Variants in GRHL2 observed in about 807,000 individuals in gnomAD.
GRHL2 encodes the protein grainyhead-like protein 2 homolog.
Under a neutral mutation model 83.8 loss-of-function variants are expected in GRHL2, and 21 were observed. That is an observed-to-expected ratio of 0.25 (90% CI 0.18 to 0.36). The LOEUF (loss-of-function observed/expected upper bound fraction) is 0.36, where lower values mean the gene tolerates loss of function less well. Ranked by LOEUF, GRHL2 falls within the 10% of genes least tolerant of loss-of-function variation. The probability of loss-of-function intolerance (pLI) is 1.00; values close to 1 mark genes in which losing one functional copy is unlikely to be tolerated. For synonymous variants in GRHL2, 280 were observed against 278.9 expected, an observed-to-expected ratio of 1.00 and a Z score of -0.04; for missense variants, 623 against 781.8, an observed-to-expected ratio of 0.80 and a Z score of 2.42.
chr8:101,542,246 GCT>G (rs1811168398), intron 1 of GRHL2, among the ~76,000 whole-genome samples: 1 of 152,112 alleles, frequency 6.6e-6, no homozygotes, highest in Non-Finnish European at 1.5e-5. Flanking sequence ...AATGAAACCT[GCT>G]CTCTCTTAGG....
At chr8:101,632,082 G>C (rs1347762139) in intron 10 of GRHL2, 144 bp from the exon 11 acceptor site, 4 of 867,590 alleles carry the variant, frequency 4.6e-6, no homozygotes, top group South Asian at 2.8e-5. Context: ...GCTGGGATGA[G>C]GTGGTGGGAG....
At chr8:101,616,955 A>T (rs555566138) in intron 8 of GRHL2, among the ~76,000 whole-genome samples, 1 of 152,288 alleles carries the variant, frequency 6.6e-6, no homozygotes, top group African/African-American at 2.4e-5. Context: ...TATATTTAAG[A>T]CACACATCAT....
Position 101,645,204 on chromosome 8 carries a change from C to T in GRHL2, c.1612+979C>T, listed in dbSNP as rs1813487411. ...CTAAAGTGCAGTGGCGTGATCTCAG[C>T]TCACTGCAACCTCCACCTCCTGGGT... On this transcript the variant is annotated intron_variant, in intron 13 of 15. Transcript: ENST00000646743. Among the ~76,000 whole-genome samples the T allele has an allele frequency of 2.0e-5, 3 of 148,646 alleles. No individual in the cohort carries two copies. In the South Asian group the frequency reaches 6.5e-4, roughly 32 times the overall value.
intron 9 of GRHL2, among the ~76,000 whole-genome samples, chr8:101,627,156 C>T (rs925181935): frequency 2.0e-5 from 3 of 152,020 alleles, no homozygotes; most frequent in Non-Finnish European, 4.4e-5. Context: ...TACAGGCTTA[C>T]CTCGTTTTAT....
At chr8:101,623,623 C>T (rs1813008050) in intron 9 of GRHL2, among the ~76,000 whole-genome samples, 1 of 151,812 alleles carries the variant, frequency 6.6e-6, no homozygotes, top group African/African-American at 2.4e-5. Flanking sequence ...GGGCAGTTTA[C>T]AGTACACAGT....
chr8:101,676,825 C>T, the GRHL2 span, among the ~76,000 whole-genome samples: 22 of 152,118 alleles, frequency 1.4e-4, no homozygotes, highest in South Asian at 1.9e-3. Flanking sequence ...TGTCCAACAA[C>T]GATAGACTGG....
the GRHL2 span, among the ~76,000 whole-genome samples, chr8:101,676,634 A>C: frequency 7.9e-5 from 12 of 152,192 alleles, no homozygotes; most frequent in Non-Finnish European, 1.5e-4. Flanking sequence ...TAGTTCAACC[A>C]TTGTGGAAGT....
intron 4 of GRHL2, among the ~76,000 whole-genome samples, chr8:101,559,669 C>A (rs1244956967): frequency 6.6e-6 from 1 of 152,202 alleles, no homozygotes; most frequent in African/African-American, 2.4e-5. Context: ...AATATGTATT[C>A]TTCTCAGGAG....
chr8:101,552,867 G>A, intron 3 of GRHL2, 85 bp downstream of exon 3: 7 of 1,285,644 alleles, frequency 5.4e-6, no homozygotes, highest in Non-Finnish European at 7.7e-6. Context: ...TTCTTGAGAG[G>A]AGATGGGGTC....
chr8:101,661,434 G>T lies in GRHL2; in HGVS notation c.1699-3020G>T, dbSNP rs1478943417. 3.9e-5 allele frequency among the ~76,000 whole-genome samples: 6 copies of T among 152,268 alleles called. No homozygotes were observed. In the South Asian group the frequency reaches 8.3e-4, roughly 21 times the overall value. On this transcript the variant is annotated intron_variant, in intron 14 of 15. Coordinates refer to ENST00000646743, the MANE Select transcript of GRHL2 (RefSeq NM_024915.4). ...CACCTCCCCCAAACTCAAATCCACA[G>T]ATGCTCAAGTCCCTCATGTAAAATG...
At chr8:101,675,150 A>T in the GRHL2 span, among the ~76,000 whole-genome samples, 1 of 152,138 alleles carries the variant, frequency 6.6e-6, no homozygotes, top group Non-Finnish European at 1.5e-5. Flanking sequence ...AACTGGCACA[A>T]GACAGGGATG....
chr8:101,638,440 A>T (rs1053106432), intron 12 of GRHL2, among the ~76,000 whole-genome samples: 1 of 152,256 alleles, frequency 6.6e-6, no homozygotes, highest in Non-Finnish European at 1.5e-5. Flanking sequence ...AGTGTCCTTA[A>T]GTAACGTGCT....
At chr8:101,612,221 C>T (rs1206948458) in intron 8 of GRHL2, among the ~76,000 whole-genome samples, 1 of 151,028 alleles carries the variant, frequency 6.6e-6, no homozygotes, top group East Asian at 1.9e-4. Context: ...AACTCCTGAC[C>T]TCAGGTGATC....
Position 101,540,877 on chromosome 8 carries a change from G to A in GRHL2, c.21-2364G>A, listed in dbSNP as rs143214287. ...AGGGGTACAGGTGGTTTTTGGTTACGTGGATGCATTGTATAGTGATGAAGT... is the reference window on the plus strand; with the variant it reads ...AGGGGTACAGGTGGTTTTTGGTTACATGGATGCATTGTATAGTGATGAAGT... On this transcript the variant is annotated intron_variant, in intron 1 of 15. Coordinates refer to ENST00000646743, the MANE Select transcript of GRHL2 (RefSeq NM_024915.4). Among the ~76,000 whole-genome samples the A allele has an allele frequency of 1.5e-3, 227 of 151,508 alleles. 1 individual carries two copies. The highest frequency in any genetic ancestry group is 5.2e-3 in the African/African-American group (216 of 41,228).
intron 7 of GRHL2, among the ~76,000 whole-genome samples, chr8:101,591,913 T>A (rs1812291236): frequency 6.6e-6 from 1 of 152,232 alleles, no homozygotes; most frequent in South Asian, 2.1e-4. Context: ...GGCATAAGAA[T>A]AAGTAGACAT....
At chr8:101,561,787 G>T (rs1054479989) in intron 4 of GRHL2, among the ~76,000 whole-genome samples, 1 of 152,164 alleles carries the variant, frequency 6.6e-6, no homozygotes, top group African/African-American at 2.4e-5. Context: ...GAATTTTCAT[G>T]ATTTATGTAA....
chr8:101,655,734 T>A (rs1813771851), intron 14 of GRHL2, among the ~76,000 whole-genome samples: 1 of 152,264 alleles, frequency 6.6e-6, no homozygotes, highest in Non-Finnish European at 1.5e-5. Flanking sequence ...TCCACATAAC[T>A]TTGATGATTC....
rs532348801 is a variant in GRHL2, at chr8:101,650,945, C to T, written c.1698+1446C>T. On this transcript the variant is annotated intron_variant, in intron 14 of 15. Coordinates refer to ENST00000646743, the MANE Select transcript of GRHL2 (RefSeq NM_024915.4). ...TTCCGAGTGGAGCATCAAGGACCTC[C>T]GTCTAAGAAACACACTGATGGAGGA... Among the ~76,000 whole-genome samples, 82 of 152,114 alleles carry T rather than the reference C, an allele frequency of 5.4e-4. 1 individual carries two copies. The South Asian group carries it at 0.014, about 26-fold the overall frequency.
intron 14 of GRHL2, among the ~76,000 whole-genome samples, chr8:101,658,795 T>A (rs1813852768): frequency 2.0e-5 from 3 of 152,070 alleles, no homozygotes. Flanking sequence ...AAAAAGAAGT[T>A]CCAAGTAACC....
Sources: allele counts gnomAD v4.1 joint callset (sites outside exome capture counted in the v4.1 genomes callset), GRCh38; gene constraint gnomAD v4.1.1; transcripts MANE v1.5; gene names NCBI Gene and HGNC (gene_info 2026-07-23, HGNC 2026-07-21).